The following NEK5 variants were observed in gnomAD, a reference collection of about 807,000 sequenced individuals.
NEK5 encodes the protein serine/threonine-protein kinase Nek5.
NEK5 carries 88 observed loss-of-function variants against 109.2 expected under a neutral mutation model. The observed-to-expected ratio is 0.81, with a 90% CI of 0.68 to 0.96. The LOEUF is 0.96. NEK5 is among the 40% of genes least tolerant of loss of function. The pLI is 0.00. For synonymous variants in NEK5, 283 were observed against 299.9 expected, an observed-to-expected ratio of 0.94 and a Z score of 0.58; for missense variants, 834 against 920.7, an observed-to-expected ratio of 0.91 and a Z score of 1.22.
chr13:52,059,783 A>G (rs1278331540), intron 22 of NEK5, among the ~76,000 whole-genome samples: 1 of 149,316 alleles, frequency 6.7e-6, no homozygotes, highest in African/African-American at 2.5e-5. Flanking sequence ...GAAGGGGAAC[A>G]TCACACTCTG....
chr13:52,072,571 T>G (rs1295047581), intron 19 of NEK5, among the ~76,000 whole-genome samples: 1 of 152,180 alleles, frequency 6.6e-6, no homozygotes, highest in Non-Finnish European at 1.5e-5. Flanking sequence ...AGCACCTCAC[T>G]TCACAGAAGC....
intron 20 of NEK5, among the ~76,000 whole-genome samples, chr13:52,067,498 T>G: frequency 6.6e-6 from 1 of 152,138 alleles, no homozygotes; most frequent in East Asian, 1.9e-4. Context: ...GTGCAATCAG[T>G]GGGCCTCTAG....
At chr13:52,102,328 A>C in intron 9 of NEK5, 36 bp from the exon 10 acceptor site, 6 of 1,470,148 alleles carry the variant, frequency 4.1e-6, no homozygotes, top group Non-Finnish European at 5.7e-6. Context: ...TAAATCAGAG[A>C]AAAGTTACTA....
chr13:52,060,150 G>A (rs771103189), intron 22 of NEK5, among the ~76,000 whole-genome samples: 5 of 151,968 alleles, frequency 3.3e-5, no homozygotes, highest in Non-Finnish European at 7.4e-5. Context: ...GACTAATTAT[G>A]AGTTTATAAT....
chr13:52,102,017 A>C lies in NEK5; in HGVS notation c.811-3T>G, dbSNP rs1390181151. The C allele has an allele frequency of 6.2e-7, 1 of 1,613,972 alleles. No homozygotes were observed. Among genetic ancestry groups the C allele is most frequent in the Admixed American group, 1.7e-5 (1 of 60,018 alleles). On this transcript the variant is annotated splice_region_variant and splice_polypyrimidine_tract_variant and intron_variant, in intron 10 of 23. Coordinates refer to ENST00000684899, the MANE Select transcript of NEK5 (RefSeq NM_001365552.1). ...TGACTGAATTCTTCCTGAATGACCT[A>C]AAACCGAACACACGTGTCAAGGACC...
At chr13:52,084,752 A>AGT (rs1955095763) in intron 16 of NEK5, among the ~76,000 whole-genome samples, 3 of 51,800 alleles carry the variant, frequency 5.8e-5, no homozygotes, top group African/African-American at 1.3e-4. Context: ...AGAGAGAGAG[A>AGT]GAGAGAGAGA....
At chr13:52,101,146 C>G (rs1593979399) in intron 11 of NEK5, among the ~76,000 whole-genome samples, 1 of 152,202 alleles carries the variant, frequency 6.6e-6, no homozygotes, top group Non-Finnish European at 1.5e-5. Context: ...CGCCTGTAAT[C>G]CCAGCACTTT....
intron 23 of NEK5, among the ~76,000 whole-genome samples, chr13:52,044,668 C>T (rs965256912): frequency 2.6e-5 from 4 of 152,136 alleles, no homozygotes; most frequent in Non-Finnish European, 5.9e-5. Flanking sequence ...TAGTCTAAGC[C>T]AAAGCCCAAG....
rs1215578455 is a variant in NEK5 at position 52,065,354 on chromosome 13, A to C, written c.1975+130T>G. 5 of 1,293,996 alleles carry C rather than the reference A, an allele frequency of 3.9e-6. No homozygotes were observed. The African/African-American group carries it at 7.3e-5, about 19-fold the overall frequency. The allele number at this position is 1,293,996 out of a possible 1,614,324, so 80.2% of individuals were successfully genotyped here. On this transcript the variant is annotated intron_variant, in intron 21 of 23. Coordinates refer to ENST00000684899, the MANE Select transcript of NEK5 (RefSeq NM_001365552.1). ...GCATAGGGAGATATCAAAACAACAT[A>C]TTTGAAAGTGTCTGATACAAGATCT...
intron 12 of NEK5, among the ~76,000 whole-genome samples, chr13:52,094,706 G>A (rs1206870507): frequency 2.6e-5 from 4 of 152,140 alleles, no homozygotes; most frequent in African/African-American, 9.7e-5. Flanking sequence ...CCCGGGAGGC[G>A]GAGCTTGCAG....
chr13:52,065,247 G>T, intron 21 of NEK5: 1 of 580,400 alleles, frequency 1.7e-6, no homozygotes, highest in South Asian at 2.3e-5. Flanking sequence ...GAGGAAGGTG[G>T]CATCCTGGAT....
Position 52,043,563 on chromosome 13 carries a change from A to G in NEK5, c.2229-6345T>C, listed in dbSNP as rs187072209. Among the ~76,000 whole-genome samples the G allele has an allele frequency of 5.6e-3, 852 of 151,444 alleles. 7 individuals carry two copies. The highest frequency in any genetic ancestry group is 0.03 in the South Asian group (144 of 4,800). On this transcript the variant is annotated intron_variant, in intron 23 of 23. Coordinates refer to ENST00000684899, the MANE Select transcript of NEK5 (RefSeq NM_001365552.1). ...AAAAAAAAAAAAAAGAAAGAAAAAG[A>G]AAAAGAAAAGAAAAAAAAGTGCTTA...
intron 3 of NEK5, among the ~76,000 whole-genome samples, chr13:52,123,264 G>A (rs1279095689): frequency 6.6e-6 from 1 of 152,130 alleles, no homozygotes; most frequent in Non-Finnish European, 1.5e-5. Flanking sequence ...AAACAGATAT[G>A]GGAAAACAAG....
At chr13:52,091,527 TCTTG>T (rs1202166668) in intron 13 of NEK5, among the ~76,000 whole-genome samples, 2 of 152,248 alleles carry the variant, frequency 1.3e-5, no homozygotes, top group South Asian at 2.1e-4. Flanking sequence ...CTCTTATCAT[TCTTG>T]CTTATCTCAT....
At chr13:52,110,227 A>C (rs1047305890) in intron 7 of NEK5, 113 bp downstream of exon 7, 2 of 688,184 alleles carry the variant, frequency 2.9e-6, no homozygotes, top group African/African-American at 3.6e-5. Context: ...ACATAAAGCT[A>C]CCTAAAATTA....
intron 11 of NEK5, 115 bp from the exon 12 acceptor site, chr13:52,099,991 T>C: frequency 1.3e-6 from 1 of 773,212 alleles, no homozygotes. Context: ...AGTTTACTTT[T>C]TAGCCAGAGA....
At position 52,034,877 on chromosome 13, in the gene NEK5, TTTTC is replaced by T. The variant is rs1338678899; in HGVS notation, c.*2067_*2070del. 1 of 128,372 alleles carries T rather than the reference TTTTC, an allele frequency of 7.8e-6. No homozygotes were observed. Among genetic ancestry groups the T allele is most frequent in the Non-Finnish European group, 1.7e-5 (1 of 57,420 alleles). The allele number at this position is 128,372 out of a possible 1,614,324, so 8.0% of individuals were successfully genotyped here. A position where few individuals can be genotyped will look rare whatever the true frequency, so the allele number is the denominator to read the frequency against. ...ATTTACCATCCTTAAACATTCTTTT[TTTTC>T]TTTTTTTTTTTTTTTTTTGCCCTTA... is the stretch of plus-strand genomic sequence containing the variant. On this transcript the variant is annotated 3_prime_UTR_variant, in exon 24 of 24. Transcript: ENST00000684899.
chr13:52,107,801 T>C (rs1024806912), intron 8 of NEK5, among the ~76,000 whole-genome samples: 6 of 151,956 alleles, frequency 3.9e-5, no homozygotes, highest in African/African-American at 1.5e-4. Flanking sequence ...TTATTGGAGG[T>C]CTGCAGGAAC....
rs377143129 is a variant in NEK5, at chr13:52,046,994, T to TG, written c.2228+3109dup. Among the ~76,000 whole-genome samples, 781 of 152,276 alleles carry TG rather than the reference T, an allele frequency of 5.1e-3. 6 individuals are homozygous for TG. Among genetic ancestry groups the TG allele is most frequent in the African/African-American group, 0.018 (740 of 41,552 alleles). Reference sequence around the variant, plus strand: ...GAAATAAAGATGGCTCTTTAGCATATGGAAAGATAACCTCACTCACAAAAG... The same window carrying TG: ...GAAATAAAGATGGCTCTTTAGCATATGGGAAAGATAACCTCACTCACAAAAG... On this transcript the variant is annotated intron_variant, in intron 23 of 23. Coordinates refer to ENST00000684899, the MANE Select transcript of NEK5 (RefSeq NM_001365552.1).
Sources: gnomAD v4.1 joint callset for allele counts (sites outside exome capture counted in the v4.1 genomes callset) on GRCh38, gnomAD v4.1.1 for gene constraint, MANE v1.5 for transcripts, NCBI Gene and HGNC (gene_info 2026-07-23, HGNC 2026-07-21) for gene names.